Variants in COL12A1 observed in about 807,000 individuals in gnomAD.
COL12A1 encodes the protein collagen type XII alpha 1 chain, also known as collagen alpha-1(XII) chain.
In COL12A1, 114 loss-of-function variants were observed where a neutral mutation model predicts 349.7. The observed-to-expected ratio is 0.33, with a 90% CI of 0.28 to 0.38. The LOEUF (loss-of-function observed/expected upper bound fraction) is 0.38. Ranked by LOEUF, COL12A1 falls within the 10% of genes least tolerant of loss-of-function variation. The pLI is 1.00. For missense variants in COL12A1, 3,284 were observed against 3,756.9 expected, an observed-to-expected ratio of 0.87 and a Z score of 3.29; for synonymous variants, 1,369 against 1,329.0, an observed-to-expected ratio of 1.03 and a Z score of -0.66.
At chr6:75,114,598 T>A (rs1214208325) in intron 49 of COL12A1, among the ~76,000 whole-genome samples, 1 of 152,078 alleles carries the variant, frequency 6.6e-6, no homozygotes, top group Non-Finnish European at 1.5e-5. Flanking sequence ...GAAAAGAAGC[T>A]ATTCCTCCAT....
intron 49 of COL12A1, among the ~76,000 whole-genome samples, chr6:75,115,114 C>T (rs1211795393): frequency 2.6e-5 from 4 of 152,128 alleles, no homozygotes; most frequent in Non-Finnish European, 4.4e-5. Context: ...TTTCTCAGAG[C>T]ATTTCATATT....
In COL12A1 at chr6:75,206,024, C is replaced by A. The variant is rs545468569; in HGVS notation, c.-283G>T. Reference sequence around the variant, plus strand: ...GCCTGCAGCTGCCGGCGCGCGGACGCGTCTGGGGCGGTTCGCCTTAGCCAA... The same window carrying A: ...GCCTGCAGCTGCCGGCGCGCGGACGAGTCTGGGGCGGTTCGCCTTAGCCAA... On this transcript the variant is annotated 5_prime_UTR_variant, in exon 1 of 66. Transcript: ENST00000322507. 6 of 152,762 alleles carry A rather than the reference C, an allele frequency of 3.9e-5. No individual in the cohort carries two copies. The highest frequency in any genetic ancestry group is 1.4e-4 in the African/African-American group (6 of 41,592). The allele number at this position is 152,762 out of a possible 1,614,324, so 9.5% of individuals were successfully genotyped here. A position where few individuals can be genotyped will look rare whatever the true frequency, so the allele number is the denominator to read the frequency against.
chr6:75,132,330 G>A (rs1215623849), intron 34 of COL12A1, among the ~76,000 whole-genome samples: 3 of 152,196 alleles, frequency 2.0e-5, no homozygotes, highest in Admixed American at 6.5e-5. Flanking sequence ...AAACGTGGTG[G>A]AACTGGATTG....
At chr6:75,109,430 A>C (rs755472190) in intron 51 of COL12A1, among the ~76,000 whole-genome samples, 9 of 152,066 alleles carry the variant, frequency 5.9e-5, no homozygotes, top group Non-Finnish European at 1.0e-4. Flanking sequence ...CCCACTATCT[A>C]CTCTTACTGA....
At chr6:75,098,901 A>C (rs1768177136) in intron 58 of COL12A1, among the ~76,000 whole-genome samples, 1 of 152,084 alleles carries the variant, frequency 6.6e-6, no homozygotes, top group African/African-American at 2.4e-5. Context: ...TACAGTGCCA[A>C]ATGACCTCTG....
intron 3 of COL12A1, 119 bp downstream of exon 3, chr6:75,194,712 G>C (rs1770128967): frequency 1.7e-6 from 1 of 596,692 alleles, no homozygotes; most frequent in South Asian, 3.3e-5. Context: ...TGGTGACATG[G>C]ATCAAATCCC....
intron 3 of COL12A1, among the ~76,000 whole-genome samples, chr6:75,194,388 G>T (rs546355168): frequency 6.6e-6 from 1 of 152,224 alleles, no homozygotes; most frequent in African/African-American, 2.4e-5. Context: ...CTGTCATCAT[G>T]GTTGTTTACC....
intron 12 of COL12A1, among the ~76,000 whole-genome samples, chr6:75,176,061 C>T (rs982894522): frequency 2.0e-5 from 3 of 152,168 alleles, no homozygotes; most frequent in African/African-American, 7.2e-5. Flanking sequence ...CACAAAGAGC[C>T]CTAGACCCTC....
At chr6:75,095,263 GC>G (rs1277649936) in intron 59 of COL12A1, 84 bp from the exon 60 acceptor site, 2 of 996,424 alleles carry the variant, frequency 2.0e-6, no homozygotes, top group Non-Finnish European at 3.0e-6. Context: ...TGTTTTAAAC[GC>G]GTTTAAATGA....
chr6:75,130,000 C>A (rs1051199339), intron 37 of COL12A1, 91 bp downstream of exon 37: 8 of 1,433,798 alleles, frequency 5.6e-6, no homozygotes, highest in African/African-American at 2.8e-5. Context: ...AGGACTCAAC[C>A]GTACTCACAG....
chr6:75,187,788 A>T (rs1769712282), intron 8 of COL12A1, among the ~76,000 whole-genome samples: 2 of 152,156 alleles, frequency 1.3e-5, no homozygotes, highest in South Asian at 2.1e-4. Flanking sequence ...GTTCAAAAGG[A>T]TGCTTTTGAA....
chr6:75,192,378 T>C (rs1769977577), intron 3 of COL12A1, 23 bp from the exon 4 acceptor site: 2 of 1,602,146 alleles, frequency 1.2e-6, no homozygotes, highest in Admixed American at 1.7e-5. Flanking sequence ...AAAGGAAAAA[T>C]ATGAATGCAA....
intron 8 of COL12A1, among the ~76,000 whole-genome samples, chr6:75,186,955 A>G (rs1478574382): frequency 6.6e-6 from 1 of 151,908 alleles, no homozygotes; most frequent in Non-Finnish European, 1.5e-5. Flanking sequence ...CGACACACAC[A>G]CTGGGGCCTA....
At position 75,194,704 on chromosome 6, in the gene COL12A1, G is replaced by A. The variant is rs1205847902; in HGVS notation, c.190+127C>T. 3.2e-5 allele frequency: 18 copies of A among 563,362 alleles called. No individual in the cohort carries two copies. In the South Asian group the frequency reaches 5.4e-4, roughly 17 times the overall value. The allele number at this position is 563,362 out of a possible 1,614,324, so 34.9% of individuals were successfully genotyped here. A position where few individuals can be genotyped will look rare whatever the true frequency, so the allele number is the denominator to read the frequency against. On this transcript the variant is annotated intron_variant, in intron 3 of 65. Coordinates refer to ENST00000322507, the MANE Select transcript of COL12A1 (RefSeq NM_004370.6). ...GAAACCTGAGTTCAGCAAATGTCTG[G>A]TGACATGGATCAAATCCCTCAGGCT...
chr6:75,180,795 GAA>G, intron 11 of COL12A1, 142 bp downstream of exon 11: 1 of 976,916 alleles, frequency 1.0e-6, no homozygotes, highest in East Asian at 2.6e-5. Context: ...AAAGATTTAT[GAA>G]AAGCTGTCTT....
intron 36 of COL12A1, among the ~76,000 whole-genome samples, chr6:75,130,457 A>T (rs1468393065): frequency 6.6e-6 from 1 of 152,218 alleles, no homozygotes; most frequent in Non-Finnish European, 1.5e-5. Flanking sequence ...TTTGAAAGGT[A>T]GACTAGGAAA....
intron 46 of COL12A1, 76 bp downstream of exon 46, chr6:75,118,967 T>C (rs1335441316): frequency 5.7e-6 from 9 of 1,574,092 alleles, no homozygotes; most frequent in Middle Eastern, 1.7e-4. Flanking sequence ...TCAGCAAATT[T>C]AGTCTTTTGC....
intron 14 of COL12A1, among the ~76,000 whole-genome samples, chr6:75,164,250 A>T (rs1217315903): frequency 6.6e-6 from 1 of 152,208 alleles, no homozygotes; most frequent in Non-Finnish European, 1.5e-5. Flanking sequence ...AAACTTGAAC[A>T]TCCAACTGAG....
chr6:75,183,096 A>G lies in COL12A1; in HGVS notation c.1845T>C (p.Ser615=), dbSNP rs1484924756. The change falls in exon 10 of 66, where the codon TCT becomes TCC. Residue 615 remains serine, a synonymous_variant. Transcript: ENST00000322507. ...ATTCTTGCTCAATTCTAAGGCAGAT[A>G]GACTGTGTGAGTTCAAAAGATATCC... ...FQRISFELTQ[S]ICLRIEQELA... 1 of 1,614,140 alleles carries G rather than the reference A, an allele frequency of 6.2e-7. No individual in the cohort carries two copies. The highest frequency in any genetic ancestry group is 1.7e-5 in the Admixed American group (1 of 60,000).
Sources: allele counts gnomAD v4.1 joint callset (sites outside exome capture counted in the v4.1 genomes callset), GRCh38; gene constraint gnomAD v4.1.1; transcripts MANE v1.5; gene names NCBI Gene and HGNC (gene_info 2026-07-23, HGNC 2026-07-21).